The following CEP20 variants were observed in gnomAD, a reference collection of about 807,000 sequenced individuals.
CEP20 encodes the protein FGFR1OP N-terminal like.
Under a neutral mutation model 20.0 loss-of-function variants are expected in CEP20, and 18 were observed. That is an observed-to-expected ratio of 0.90 (90% CI 0.62 to 1.34). The LOEUF (loss-of-function observed/expected upper bound fraction) is 1.34, where lower values mean the gene tolerates loss of function less well. Among genes scored for constraint, CEP20 ranks in the 40% most tolerant of loss-of-function variants. The probability of loss-of-function intolerance (pLI) is 0.00; values close to 1 mark genes in which losing one functional copy is unlikely to be tolerated. For missense variants in CEP20, 215 were observed against 201.6 expected (o/e 1.07, Z -0.40); for synonymous variants, 77 against 73.7 (o/e 1.04, Z -0.23).
intron 2 of CEP20, among the ~76,000 whole-genome samples, chr16:15,882,778 T>TACACACACA (rs763098969): frequency 3.4e-4 from 17 of 50,612 alleles, no homozygotes; most frequent in East Asian, 9.3e-4. Flanking sequence ...TATCTATCTA[T>TACACACACA]CTAGATACAC....
chr16:15,872,892 A>G (rs1476589256), intron 4 of CEP20, among the ~76,000 whole-genome samples: 2 of 152,150 alleles, frequency 1.3e-5, no homozygotes, highest in Admixed American at 6.5e-5. Flanking sequence ...CCACTGTAAC[A>G]TAAACAGTAT....
chr16:15,887,628 T>C (rs1440684627), intron 1 of CEP20, among the ~76,000 whole-genome samples: 1 of 152,210 alleles, frequency 6.6e-6, no homozygotes, highest in Non-Finnish European at 1.5e-5. Context: ...AGTTGAGTAG[T>C]GCCTGACACA....
intron 1 of CEP20, among the ~76,000 whole-genome samples, chr16:15,884,475 G>T (rs1010928119): frequency 2.0e-5 from 3 of 151,992 alleles, no homozygotes; most frequent in African/African-American, 7.2e-5. Context: ...GTCAGGGGCT[G>T]TAGTCTAATA....
At chr16:15,879,934 A>G in intron 2 of CEP20, 46 bp from the exon 3 acceptor site, 2 of 1,304,966 alleles carry the variant, frequency 1.5e-6, no homozygotes, top group Non-Finnish European at 2.1e-6. Flanking sequence ...TTAAACTAAA[A>G]AGCAAATAAG....
intron 1 of CEP20, chr16:15,886,265 A>G (rs1297560269): frequency 6.6e-6 from 1 of 152,242 alleles, no homozygotes; most frequent in Non-Finnish European, 1.5e-5. Flanking sequence ...CCTGGATCAT[A>G]TGACTAAAGA....
At chr16:15,882,757 A>C (rs1208255802) in intron 2 of CEP20, among the ~76,000 whole-genome samples, 1 of 127,322 alleles carries the variant, frequency 7.9e-6, no homozygotes, top group Non-Finnish European at 1.6e-5. Flanking sequence ...CTATCTATCT[A>C]TCTATCTATC....
intron 4 of CEP20, among the ~76,000 whole-genome samples, chr16:15,872,418 A>T (rs1052591420): frequency 6.6e-6 from 1 of 152,180 alleles, no homozygotes; most frequent in Non-Finnish European, 1.5e-5. Context: ...TGGGATAATC[A>T]AAATAAGTCA....
intron 2 of CEP20, among the ~76,000 whole-genome samples, chr16:15,882,233 C>T (rs564868453): frequency 5.3e-5 from 8 of 152,300 alleles, no homozygotes; most frequent in African/African-American, 1.2e-4. Flanking sequence ...TCTGCAGAAC[C>T]GTGAGCCAAG....
At chr16:15,871,032 G>T (rs564309579) in intron 4 of CEP20, among the ~76,000 whole-genome samples, 5 of 152,112 alleles carry the variant, frequency 3.3e-5, no homozygotes, top group Admixed American at 2.0e-4. Flanking sequence ...GGAGGCCAAG[G>T]GGGGTGGATT....
At chr16:15,870,936 T>C (rs908387636) in intron 4 of CEP20, among the ~76,000 whole-genome samples, 5 of 152,144 alleles carry the variant, frequency 3.3e-5, no homozygotes, top group African/African-American at 1.2e-4. Context: ...TAACAATGTA[T>C]ATATATTTAA....
In CEP20 at chr16:15,879,882, C is replaced by T. The variant is rs2045058695; in HGVS notation, c.233G>A (p.Gly78Asp). The T allele has an allele frequency of 6.3e-7, 1 of 1,578,742 alleles. No homozygotes were observed. The highest frequency in any genetic ancestry group is 8.6e-7 in the Non-Finnish European group (1 of 1,168,854). ...YTASVLIAESGQPVVPLDRQF... is the reference protein window; with the variant it reads ...YTASVLIAESDQPVVPLDRQF... ...TCTGTCCAACGGAACTACAGGTTGA[C>T]CAGATTCTGGGAGAAATAAATTCAT... The change falls in exon 3 of 5, where the codon GGT becomes GAT. Residue 78 changes from glycine (G) to aspartate (D), a missense_variant. Gly to Asp is a moderately conservative substitution (Grantham distance 94, BLOSUM62 -1). Coordinates refer to ENST00000255759, the MANE Select transcript of CEP20 (RefSeq NM_144600.4).
intron 4 of CEP20, among the ~76,000 whole-genome samples, chr16:15,872,703 A>G (rs1244512289): frequency 7.5e-6 from 1 of 133,452 alleles, no homozygotes; most frequent in Admixed American, 7.4e-5. Flanking sequence ...GTGACTAGAA[A>G]AAATACATAA....
At position 15,867,402 on chromosome 16, in the gene CEP20, A is replaced by C. The variant is rs769862239; in HGVS notation, c.*38T>G. ...ACAATAAATAAGTTATTTAATTAAT[A>C]ATACAATTTTAAGACAAAAGATACC... On this transcript the variant is annotated 3_prime_UTR_variant, in exon 5 of 5. Coordinates refer to ENST00000255759, the MANE Select transcript of CEP20 (RefSeq NM_144600.4). The C allele has an allele frequency of 1.4e-6, 2 of 1,462,850 alleles. No homozygotes were observed. The highest frequency in any genetic ancestry group is 1.9e-6 in the Non-Finnish European group (2 of 1,072,604). 90.6% of individuals were successfully genotyped at this position (1,462,850 alleles called of 1,614,324 possible). A position where few individuals can be genotyped will look rare whatever the true frequency, so the allele number is the denominator to read the frequency against.
In CEP20 at chr16:15,867,647, T is replaced by C. The variant is rs2044712311; in HGVS notation, c.449-131A>G. ...GAGTACTTTAGATGGTTTAGGACAATGAAAAAAACCCATTATTTTTTAAAC... is the reference window on the plus strand; with the variant it reads ...GAGTACTTTAGATGGTTTAGGACAACGAAAAAAACCCATTATTTTTTAAAC... On this transcript the variant is annotated intron_variant, in intron 4 of 4. Coordinates refer to ENST00000255759, the MANE Select transcript of CEP20 (RefSeq NM_144600.4). 1.6e-5 allele frequency: 9 copies of C among 562,134 alleles called. No homozygotes were observed. The South Asian group carries it at 3.2e-4, about 20-fold the overall frequency. 34.8% of individuals were successfully genotyped at this position (562,134 alleles called of 1,614,324 possible).
intron 3 of CEP20, 47 bp downstream of exon 3, chr16:15,879,757 T>A: frequency 9.3e-7 from 1 of 1,077,524 alleles, no homozygotes; most frequent in South Asian, 1.4e-5. Context: ...ATGGTGCAAT[T>A]ATGACTCAAT....
At chr16:15,874,755 T>G (rs1201713886) in intron 3 of CEP20, among the ~76,000 whole-genome samples, 1 of 152,204 alleles carries the variant, frequency 6.6e-6, no homozygotes, top group Non-Finnish European at 1.5e-5. Flanking sequence ...CTTCCAAAGA[T>G]GGAATCTCAT....
At chr16:15,884,494 TTTTTA>T (rs966811093) in intron 1 of CEP20, among the ~76,000 whole-genome samples, 2 of 147,416 alleles carry the variant, frequency 1.4e-5, no homozygotes, top group African/African-American at 5.0e-5. Flanking sequence ...TACATATTCT[TTTTTA>T]TTTTATTTAT....
Position 15,868,937 on chromosome 16 carries a change from T to A in CEP20, c.449-1421A>T, listed in dbSNP as rs576646172. On this transcript the variant is annotated intron_variant, in intron 4 of 4. Transcript: ENST00000255759. Reference sequence around the variant, plus strand: ...ATAAAAATCTTCGCCAGGAATGTAGTCCCAGCTGTAGTCCCAGCTACTTGG... The same window carrying A: ...ATAAAAATCTTCGCCAGGAATGTAGACCCAGCTGTAGTCCCAGCTACTTGG... Among the ~76,000 whole-genome samples, 87 of 151,578 alleles carry A rather than the reference T, an allele frequency of 5.7e-4. 2 individuals are homozygous for A. The South Asian group carries it at 0.015, about 26-fold the overall frequency.
intron 4 of CEP20, 128 bp downstream of exon 4, chr16:15,873,363 C>A: frequency 8.7e-7 from 1 of 1,152,530 alleles, no homozygotes; most frequent in East Asian, 2.6e-5. Flanking sequence ...GTAACATAGG[C>A]TAGACATATT....
Sources: allele counts gnomAD v4.1 joint callset (sites outside exome capture counted in the v4.1 genomes callset), GRCh38; gene constraint gnomAD v4.1.1; transcripts MANE v1.5; gene names NCBI Gene and HGNC (gene_info 2026-07-23, HGNC 2026-07-21).